GYPB: variants seen among roughly 807,000 people sequenced by gnomAD.
GYPB encodes glycophorin B (MNS blood group).
In GYPB, 13 loss-of-function variants were observed where a neutral mutation model predicts 15.3. The ratio of observed to expected loss-of-function variants is 0.85; its 90% confidence interval spans 0.55 to 1.35. The LOEUF (loss-of-function observed/expected upper bound fraction) is 1.35, where lower values mean the gene tolerates loss of function less well. Ranked by LOEUF, GYPB falls within the 40% of genes most tolerant of loss-of-function variation. The pLI is 0.00. For synonymous variants in GYPB, 38 were observed against 36.9 expected (o/e 1.03, Z -0.11); for missense variants, 131 against 108.3 (o/e 1.21, Z -0.93).
In GYPB at chr4:144,018,233, G is replaced by C. The variant is rs200207550; in HGVS notation, c.37+1018C>G. 4.6e-4 allele frequency among the ~76,000 whole-genome samples: 70 copies of C among 151,412 alleles called. No homozygotes were observed. In the East Asian group the frequency reaches 0.013, roughly 28 times the overall value. ...TAAAGACGAGGACACATAAAAATGTGGGCCCTTAATTTGCCTTAATGTTCC... is the reference window on the plus strand; with the variant it reads ...TAAAGACGAGGACACATAAAAATGTCGGCCCTTAATTTGCCTTAATGTTCC... On this transcript the variant is annotated intron_variant, in intron 1 of 4. Coordinates refer to ENST00000502664, the MANE Select transcript of GYPB (RefSeq NM_002100.6).
chr4:143,996,574 G>T (rs1219788504), intron 4 of GYPB, among the ~76,000 whole-genome samples: 1 of 150,732 alleles, frequency 6.6e-6, no homozygotes, highest in Non-Finnish European at 1.5e-5. Context: ...AAACCAGCCT[G>T]GCCAACACAG....
chr4:143,999,091 TAG>T (rs759750565), intron 3 of GYPB, among the ~76,000 whole-genome samples: 1 of 151,138 alleles, frequency 6.6e-6, no homozygotes, highest in Non-Finnish European at 1.5e-5. Context: ...GTATTTTTTG[TAG>T]AGATAGATTT....
intron 1 of GYPB, chr4:144,012,855 A>C (rs1308660717): frequency 6.6e-6 from 1 of 151,672 alleles, no homozygotes; most frequent in Admixed American, 6.5e-5. Context: ...CAAAACTCTT[A>C]GAAGAAAACA....
intron 3 of GYPB, among the ~76,000 whole-genome samples, chr4:143,998,069 GAAAC>G (rs1301976001): frequency 6.6e-6 from 1 of 151,436 alleles, no homozygotes; most frequent in Non-Finnish European, 1.5e-5. Flanking sequence ...ATTTTGGAAA[GAAAC>G]TGGTATAAAC....
rs1444974308 is a variant in GYPB at position 144,002,233 on chromosome 4, G to T, written c.38-950C>A. 4.6e-5 allele frequency among the ~76,000 whole-genome samples: 7 copies of T among 151,360 alleles called. 1 individual carries two copies. Among genetic ancestry groups the T allele is most frequent in the African/African-American group, 1.2e-4 (5 of 40,674 alleles). On this transcript the variant is annotated intron_variant, in intron 1 of 4. Transcript: ENST00000502664. The stretch of plus-strand genomic sequence containing the variant: ...AAGTATAATATAAAATTCATCTACA[G>T]TCAGCTGATGCAATGTTGAACATTT...
At chr4:144,003,087 A>G (rs1727709589) in intron 1 of GYPB, among the ~76,000 whole-genome samples, 1 of 151,538 alleles carries the variant, frequency 6.6e-6, no homozygotes, top group Admixed American at 6.6e-5. Flanking sequence ...AAGTTTAACA[A>G]ATTTTAGGAT....
In GYPB at chr4:144,002,571, C is replaced by A. The variant is rs1353096821; in HGVS notation, c.38-1288G>T. The A allele has an allele frequency of 1.2e-5, 15 of 1,282,550 alleles. 1 individual carries two copies. The highest frequency in any genetic ancestry group is 4.6e-5 in the Admixed American group (2 of 43,496). The allele number at this position is 1,282,550 out of a possible 1,614,324, so 79.4% of individuals were successfully genotyped here. A position where few individuals can be genotyped will look rare whatever the true frequency, so the allele number is the denominator to read the frequency against. On this transcript the variant is annotated intron_variant, in intron 1 of 4. Transcript: ENST00000502664. ...AGTACCCTGAACTCTGTAGATGTAC[C>A]TTTGCTCATCTCTTGGAGACATTCA... is the stretch of plus-strand genomic sequence containing the variant.
chr4:144,000,527 A>T, intron 2 of GYPB: 1 of 448,148 alleles, frequency 2.2e-6, no homozygotes, highest in Non-Finnish European at 3.9e-6. Flanking sequence ...GACTGCGTGG[A>T]CATACAGCGT....
intron 1 of GYPB, among the ~76,000 whole-genome samples, chr4:144,003,190 T>A (rs1727715696): frequency 6.6e-6 from 1 of 151,488 alleles, no homozygotes; most frequent in Non-Finnish European, 1.5e-5. Context: ...CCATCTCTCT[T>A]AATAAATGTT....
chr4:144,004,332 G>GA (rs1727775087), intron 1 of GYPB, among the ~76,000 whole-genome samples: 1 of 151,894 alleles, frequency 6.6e-6, no homozygotes, highest in Non-Finnish European at 1.5e-5. Context: ...TCCATTTCTG[G>GA]AAAAAAGATA....
rs1727312607 is a variant in GYPB, at chr4:143,996,363, T to C, written c.271-59A>G. ...CCTCTGCTTGACCATGAGCTAAGAC[T>C]CCACTTCAGCCTCTGATTGGTCACA... On this transcript the variant is annotated intron_variant, in intron 4 of 4. Transcript: ENST00000502664. 1.9e-5 allele frequency: 30 copies of C among 1,549,496 alleles called. No homozygotes were observed. In the South Asian group the frequency reaches 3.2e-4, roughly 17 times the overall value.
rs752789378 is a variant in GYPB, at chr4:144,010,218, C to T, written c.38-8935G>A. ...GTGGCTCATGCCTGTAAACCCAGTG[C>T]TTTGGGAGGCCAAGGCAAGAGGATC... On this transcript the variant is annotated intron_variant, in intron 1 of 4. Transcript: ENST00000502664. Among the ~76,000 whole-genome samples, 33 of 151,252 alleles carry T rather than the reference C, an allele frequency of 2.2e-4. 1 individual carries two copies. Among genetic ancestry groups the T allele is most frequent in the Admixed American group, 5.9e-4 (9 of 15,246 alleles).
rs748717218 is a variant in GYPB at position 143,996,261 on chromosome 4, G to A, written c.*38C>T. On this transcript the variant is annotated 3_prime_UTR_variant, in exon 5 of 5. Transcript: ENST00000502664. Reference sequence around the variant, plus strand: ...AAACAAGAGAACAGCAGGTGCAGCCGGTTCTAGGCAAGATCAGGCAGCATG... The same window carrying A: ...AAACAAGAGAACAGCAGGTGCAGCCAGTTCTAGGCAAGATCAGGCAGCATG... 83 of 1,550,592 alleles carry A rather than the reference G, an allele frequency of 5.4e-5. 1 individual carries two copies. In the South Asian group the frequency reaches 8.6e-4, roughly 16 times the overall value.
intron 1 of GYPB, among the ~76,000 whole-genome samples, chr4:144,002,272 A>G (rs1341875993): frequency 2.0e-5 from 3 of 151,498 alleles, no homozygotes; most frequent in Admixed American, 1.3e-4. Context: ...ACATTTTGAT[A>G]TATAGCCATC....
intron 1 of GYPB, among the ~76,000 whole-genome samples, chr4:144,013,255 A>T (rs1469443048): frequency 6.6e-6 from 1 of 150,958 alleles, no homozygotes; most frequent in Non-Finnish European, 1.5e-5. Flanking sequence ...CAATCATTAA[A>T]AAGTCAGGAA....
chr4:144,019,190 T>C (rs1728657589), intron 1 of GYPB, 61 bp downstream of exon 1: 3 of 1,607,730 alleles, frequency 1.9e-6, no homozygotes, highest in African/African-American at 1.4e-5. Context: ...GGGTAGTTCA[T>C]ATTTTATTCT....
At chr4:143,997,381 C>A (rs1324578264) in intron 4 of GYPB, 159 bp downstream of exon 4, 4 of 466,900 alleles carry the variant, frequency 8.6e-6, no homozygotes, top group East Asian at 4.1e-5. Flanking sequence ...AAAAAAAATT[C>A]TGCTAGAGAA....
intron 1 of GYPB, among the ~76,000 whole-genome samples, chr4:144,017,311 G>A (rs1220067459): frequency 6.9e-6 from 1 of 145,360 alleles, no homozygotes; most frequent in East Asian, 2.0e-4. Context: ...CCTGGAGAAA[G>A]CAAGGCAATC....
intron 4 of GYPB, 76 bp from the exon 5 acceptor site, chr4:143,996,380 T>G: frequency 1.3e-6 from 2 of 1,548,654 alleles, no homozygotes; most frequent in Middle Eastern, 3.4e-4. Context: ...CAGCCTCTGA[T>G]TGGTCACAGG....
Sources: allele counts gnomAD v4.1 joint callset (sites outside exome capture counted in the v4.1 genomes callset), GRCh38; gene constraint gnomAD v4.1.1; transcripts MANE v1.5; gene names NCBI Gene and HGNC (gene_info 2026-07-23, HGNC 2026-07-21).